The following TSHZ2 variants were observed in gnomAD, a reference collection of about 807,000 sequenced individuals.
The protein encoded by TSHZ2 is teashirt zinc finger homeobox 2.
A neutral mutation model predicts 74.4 loss-of-function variants in TSHZ2; 21 were observed. That is an observed-to-expected ratio of 0.28 (90% CI 0.20 to 0.41). The LOEUF is 0.41. Among genes scored for constraint, TSHZ2 ranks in the 10% least tolerant of loss-of-function variants. The pLI is 1.00. For synonymous variants in TSHZ2, 540 were observed against 515.3 expected, an observed-to-expected ratio of 1.05 and a Z score of -0.65; for missense variants, 1,244 against 1,293.5, an observed-to-expected ratio of 0.96 and a Z score of 0.59.
chr20:53,228,140 A>T lies in TSHZ2; in HGVS notation c.41-25359A>T, dbSNP rs78820578. On this transcript the variant is annotated intron_variant, in intron 1 of 2. Transcript: ENST00000371497. ...CACACACACACACACACACACACAC[A>T]CACTCACAGAGACAGAATGGGAGAA... Among the ~76,000 whole-genome samples the T allele has an allele frequency of 3.5e-3, 518 of 148,060 alleles. 11 individuals carry two copies. In the East Asian group the frequency reaches 0.052, roughly 15 times the overall value.
intron 2 of TSHZ2, among the ~76,000 whole-genome samples, chr20:53,278,881 T>A (rs902632904): frequency 6.6e-6 from 1 of 152,174 alleles, no homozygotes; most frequent in Non-Finnish European, 1.5e-5. Flanking sequence ...CTCTGCATAA[T>A]CAAAAATCCA....
intron 2 of TSHZ2, among the ~76,000 whole-genome samples, chr20:53,457,115 G>T: frequency 8.3e-6 from 1 of 120,976 alleles, no homozygotes; most frequent in Admixed American, 8.7e-5. Flanking sequence ...GTAGCTTGAT[G>T]GGGATGGCAT....
At chr20:53,473,597 C>T (rs1462652896) in intron 2 of TSHZ2, among the ~76,000 whole-genome samples, 12 of 146,156 alleles carry the variant, frequency 8.2e-5, no homozygotes, top group Non-Finnish European at 1.6e-4. Flanking sequence ...AAACGCAGAG[C>T]GCCTCTCCTC....
At chr20:53,471,867 C>A (rs907130793) in intron 2 of TSHZ2, among the ~76,000 whole-genome samples, 78 of 141,772 alleles carry the variant, frequency 5.5e-4, no homozygotes, top group Admixed American at 6.7e-4. Flanking sequence ...AGCACAATGG[C>A]ATGATCTCGG....
chr20:53,480,929 G>C (rs888577961), intron 2 of TSHZ2, among the ~76,000 whole-genome samples: 1 of 152,052 alleles, frequency 6.6e-6, no homozygotes, highest in Non-Finnish European at 1.5e-5. Flanking sequence ...ACATCTCTTC[G>C]CCTGGCTCTC....
chr20:53,479,205 T>C (rs1986081292), intron 2 of TSHZ2, among the ~76,000 whole-genome samples: 1 of 148,492 alleles, frequency 6.7e-6, no homozygotes, highest in Non-Finnish European at 1.5e-5. Context: ...AATTGAGACA[T>C]GAAAATGCAC....
At chr20:53,072,091 G>A (rs1056944289) in intron 1 of TSHZ2, among the ~76,000 whole-genome samples, 3 of 152,178 alleles carry the variant, frequency 2.0e-5, no homozygotes, top group Admixed American at 6.5e-5. Flanking sequence ...TCAGTCGCGC[G>A]GAGGCTGGGG....
intron 1 of TSHZ2, among the ~76,000 whole-genome samples, chr20:53,238,836 T>TAAAAAA (rs746136673): frequency 2.1e-4 from 14 of 65,992 alleles, no homozygotes; most frequent in African/African-American, 3.6e-4. Flanking sequence ...ATCTTATATC[T>TAAAAAA]AAAAAAAAAA....
At chr20:52,990,134 A>G (rs974672838) in intron 1 of TSHZ2, among the ~76,000 whole-genome samples, 1 of 152,178 alleles carries the variant, frequency 6.6e-6, no homozygotes, top group African/African-American at 2.4e-5. Flanking sequence ...CAATCTTCAC[A>G]TAAGTAATTT....
intron 1 of TSHZ2, among the ~76,000 whole-genome samples, chr20:53,168,276 A>C (rs540737838): frequency 3.9e-5 from 6 of 152,158 alleles, no homozygotes; most frequent in African/African-American, 1.4e-4. Flanking sequence ...CTAGCACCTC[A>C]CCCCAGGCTG....
chr20:53,155,289 A>G (rs1444070759), intron 1 of TSHZ2, among the ~76,000 whole-genome samples: 1 of 152,022 alleles, frequency 6.6e-6, no homozygotes, highest in Non-Finnish European at 1.5e-5. Context: ...AAAGACAATG[A>G]AAAGGTAGGA....
chr20:53,098,995 C>T (rs1296746450), intron 1 of TSHZ2, among the ~76,000 whole-genome samples: 2 of 152,158 alleles, frequency 1.3e-5, no homozygotes, highest in South Asian at 2.1e-4. Context: ...GATTCCATTG[C>T]CAATGAGTCT....
intron 1 of TSHZ2, among the ~76,000 whole-genome samples, chr20:53,055,911 C>A (rs918984887): frequency 6.6e-6 from 1 of 152,236 alleles, no homozygotes; most frequent in Non-Finnish European, 1.5e-5. Context: ...TGAGCAGTTG[C>A]AACAGAGACA....
At chr20:53,108,503 G>A (rs1986444090) in intron 1 of TSHZ2, among the ~76,000 whole-genome samples, 1 of 152,206 alleles carries the variant, frequency 6.6e-6, no homozygotes, top group African/African-American at 2.4e-5. Flanking sequence ...GGCAGCACAG[G>A]TAGTCGACAA....
intron 2 of TSHZ2, among the ~76,000 whole-genome samples, chr20:53,458,398 T>C (rs1287799820): frequency 2.6e-5 from 4 of 152,218 alleles, no homozygotes; most frequent in African/African-American, 4.8e-5. Context: ...GTGGGATCAG[T>C]GGTGATATCC....
In TSHZ2 at chr20:53,112,485, T is replaced by C. The variant is rs190624509; in HGVS notation, c.40+139152T>C. The stretch of plus-strand genomic sequence containing the variant: ...TTCCTTCCAATTACTCTCAGAATCA[T>C]ATTCAGATTAGGGATAATCCTAATA... On this transcript the variant is annotated intron_variant, in intron 1 of 2. Transcript: ENST00000371497. Among the ~76,000 whole-genome samples, 3 of 152,326 alleles carry C rather than the reference T, an allele frequency of 2.0e-5. No individual in the cohort carries two copies. The East Asian group carries it at 5.8e-4, about 29-fold the overall frequency.
intron 2 of TSHZ2, among the ~76,000 whole-genome samples, chr20:53,418,430 AAG>A (rs1411739705): frequency 6.6e-6 from 1 of 152,216 alleles, no homozygotes; most frequent in Non-Finnish European, 1.5e-5. Flanking sequence ...TTACAAAAGA[AAG>A]AGAGATTTAT....
intron 2 of TSHZ2, among the ~76,000 whole-genome samples, chr20:53,341,591 C>T (rs1304333356): frequency 1.3e-5 from 2 of 151,936 alleles, no homozygotes; most frequent in Non-Finnish European, 2.9e-5. Flanking sequence ...TCCCAAAGTG[C>T]TGGAATTACA....
chr20:53,289,475 C>T (rs934386698), intron 2 of TSHZ2, among the ~76,000 whole-genome samples: 1 of 152,136 alleles, frequency 6.6e-6, no homozygotes, highest in Non-Finnish European at 1.5e-5. Flanking sequence ...ACACCAACAT[C>T]TATTTTTTTT....
Sources: allele counts gnomAD v4.1 joint callset (sites outside exome capture counted in the v4.1 genomes callset), GRCh38; gene constraint gnomAD v4.1.1; transcripts MANE v1.5; gene names NCBI Gene and HGNC (gene_info 2026-07-23, HGNC 2026-07-21).